PDE4D: variants seen among roughly 807,000 people sequenced by gnomAD.
The protein encoded by PDE4D is phosphodiesterase 4D.
In PDE4D, 24 loss-of-function variants were observed where a neutral mutation model predicts 87.4. The observed-to-expected ratio is 0.27, with a 90% CI of 0.20 to 0.39. PDE4D has a LOEUF of 0.39. Among genes scored for constraint, PDE4D ranks in the 10% least tolerant of loss-of-function variants. The pLI, the probability that PDE4D is intolerant of heterozygous loss-of-function variation, is 1.00. For missense variants in PDE4D, 714 were observed against 1,041.0 expected, an observed-to-expected ratio of 0.69 and a Z score of 4.32; for synonymous variants, 384 against 383.2, an observed-to-expected ratio of 1.00 and a Z score of -0.02.
intron 1 of PDE4D, among the ~76,000 whole-genome samples, chr5:59,556,080 C>T (rs950667082): frequency 2.6e-5 from 4 of 152,016 alleles, no homozygotes; most frequent in South Asian, 2.1e-4. Context: ...ATGGACCTTG[C>T]TCTTGGTTAA....
chr5:60,045,499 T>C (rs1327283605), intron 2 of PDE4D, among the ~76,000 whole-genome samples: 1 of 152,220 alleles, frequency 6.6e-6, no homozygotes, highest in Non-Finnish European at 1.5e-5. Context: ...GTTTTAGGTC[T>C]AACATTTAAG....
At chr5:59,093,620 A>C (rs1024064834) in intron 5 of PDE4D, among the ~76,000 whole-genome samples, 2 of 151,710 alleles carry the variant, frequency 1.3e-5, no homozygotes, top group African/African-American at 4.8e-5. Context: ...CAACAGTGCA[A>C]CCCTACAGTT....
chr5:60,065,440 C>CATT, intron 2 of PDE4D, among the ~76,000 whole-genome samples: 1 of 151,674 alleles, frequency 6.6e-6, no homozygotes, highest in Admixed American at 6.6e-5. Flanking sequence ...AATTTATTAT[C>CATT]ATTATTATTA....
chr5:59,199,257 C>CTTTTT (rs34049029), intron 2 of PDE4D, among the ~76,000 whole-genome samples: 1 of 141,870 alleles, frequency 7.0e-6, no homozygotes. Context: ...GAATCTAATC[C>CTTTTT]TTTTTTTTTT....
At chr5:60,286,548 A>G (rs984305116) in intron 1 of PDE4D, among the ~76,000 whole-genome samples, 12 of 152,318 alleles carry the variant, frequency 7.9e-5, no homozygotes, top group Middle Eastern at 3.4e-3. Context: ...GGCCGCTAAG[A>G]GATTCATCAC....
At chr5:59,266,352 C>G (rs1176571714) in intron 1 of PDE4D, among the ~76,000 whole-genome samples, 2 of 151,828 alleles carry the variant, frequency 1.3e-5, no homozygotes, top group Non-Finnish European at 1.5e-5. Flanking sequence ...TTTCTTGACC[C>G]TACTTGACTG....
intron 1 of PDE4D, among the ~76,000 whole-genome samples, chr5:60,322,150 A>G (rs2149842295): frequency 6.6e-6 from 1 of 152,300 alleles, no homozygotes; most frequent in South Asian, 2.1e-4. Context: ...ACATGGACTC[A>G]ACCTAAATGT....
intron 1 of PDE4D, among the ~76,000 whole-genome samples, chr5:59,670,578 A>G (rs775928392): frequency 6.6e-6 from 1 of 152,170 alleles, no homozygotes; most frequent in Non-Finnish European, 1.5e-5. Flanking sequence ...TATCCCCAAG[A>G]TATCTCACTA....
rs1009400043 is a variant in PDE4D at position 60,111,133 on chromosome 5, T to C, written c.42+74424A>G. On this transcript the variant is annotated intron_variant, in intron 2 of 16. Transcript: ENST00000502484. ...ATGGTTAGCTATAATCCATTGTGTA[T>C]TTTCAAAAACTAGAGGAGAGGATTT... 2.6e-5 allele frequency among the ~76,000 whole-genome samples: 4 copies of C among 151,968 alleles called. No homozygotes were observed. The East Asian group carries it at 7.7e-4, about 29-fold the overall frequency.
chr5:58,973,886 A>T lies in PDE4D; in HGVS notation c.*778T>A, dbSNP rs1347917732. The T allele has an allele frequency of 2.0e-5, 3 of 152,652 alleles. No individual in the cohort carries two copies. Among genetic ancestry groups the T allele is most frequent in the African/African-American group, 7.2e-5 (3 of 41,464 alleles). 9.5% of individuals were successfully genotyped at this position (152,652 alleles called of 1,614,324 possible). A position where few individuals can be genotyped will look rare whatever the true frequency, so the allele number is the denominator to read the frequency against. ...ATAAAACAAACAATGAATCACTACAAATCAGTTAATTGCTATGAACTATAA... is the reference window on the plus strand; with the variant it reads ...ATAAAACAAACAATGAATCACTACATATCAGTTAATTGCTATGAACTATAA... On this transcript the variant is annotated 3_prime_UTR_variant, in exon 15 of 15. Transcript: ENST00000340635.
rs1054343569 is a variant in PDE4D, at chr5:60,503,084, G to A, written n.70+18967C>T. Among the ~76,000 whole-genome samples, 8 of 152,130 alleles carry A rather than the reference G, an allele frequency of 5.3e-5. No homozygotes were observed. The South Asian group carries it at 1.2e-3, about 24-fold the overall frequency. On this transcript the variant is annotated intron_variant and non_coding_transcript_variant, in intron 1 of 2. Coordinates refer to the PDE4D transcript ENST00000506510. Reference sequence around the variant, plus strand: ...TACTGAAGTTGAGTATCACTCAAACGTCCATATCTTTTTGATGATGTGGAT... The same window carrying A: ...TACTGAAGTTGAGTATCACTCAAACATCCATATCTTTTTGATGATGTGGAT...
chr5:60,139,199 C>T (rs762680126), intron 2 of PDE4D, among the ~76,000 whole-genome samples: 25 of 152,130 alleles, frequency 1.6e-4, no homozygotes, highest in Middle Eastern at 6.8e-3. Flanking sequence ...CACCGCTAAG[C>T]CAAAGCGGTT....
At chr5:59,791,963 G>A (rs1208745375) in intron 1 of PDE4D, among the ~76,000 whole-genome samples, 2 of 152,164 alleles carry the variant, frequency 1.3e-5, no homozygotes, top group Non-Finnish European at 2.9e-5. Flanking sequence ...CAAAAATAAT[G>A]CACTGCAACT....
chr5:59,596,905 T>C (rs576006374), intron 1 of PDE4D, among the ~76,000 whole-genome samples: 3 of 152,134 alleles, frequency 2.0e-5, no homozygotes, highest in Non-Finnish European at 4.4e-5. Flanking sequence ...AAGTTACCAT[T>C]TTGGGTTCAG....
intron 1 of PDE4D, among the ~76,000 whole-genome samples, chr5:59,699,627 C>A (rs1024180926): frequency 6.6e-6 from 1 of 151,960 alleles, no homozygotes; most frequent in Non-Finnish European, 1.5e-5. Flanking sequence ...ATGGTGACTG[C>A]AGTGACCTAA....
At position 58,973,655 on chromosome 5, in the gene PDE4D, G is replaced by T. The variant is rs1051123488; in HGVS notation, c.*1009C>A. ...GAACTGATGACTGAGTTTGCATGAA[G>T]CTTAAGACACATTTGATATAACACA... On this transcript the variant is annotated 3_prime_UTR_variant, in exon 15 of 15. Coordinates refer to ENST00000340635, the MANE Select transcript of PDE4D (RefSeq NM_001104631.2). 6.6e-6 allele frequency: 1 copy of T among 152,568 alleles called. No homozygotes were observed. Among genetic ancestry groups the T allele is most frequent in the Non-Finnish European group, 1.5e-5 (1 of 68,020 alleles). 9.5% of individuals were successfully genotyped at this position (152,568 alleles called of 1,614,324 possible).
intron 1 of PDE4D, among the ~76,000 whole-genome samples, chr5:59,885,110 GCTA>G (rs1048413169): frequency 3.3e-5 from 5 of 151,864 alleles, no homozygotes; most frequent in African/African-American, 1.2e-4. Context: ...GATTTGGACT[GCTA>G]CCTTTACTAA....
At chr5:59,984,945 T>C (rs2152827992) in intron 3 of PDE4D, among the ~76,000 whole-genome samples, 1 of 152,034 alleles carries the variant, frequency 6.6e-6, no homozygotes, top group South Asian at 2.1e-4. Flanking sequence ...ATGGTCTCAG[T>C]ATAGGTTGGC....
At chr5:59,545,281 C>A (rs1817075617) in intron 1 of PDE4D, among the ~76,000 whole-genome samples, 1 of 152,072 alleles carries the variant, frequency 6.6e-6, no homozygotes, top group Non-Finnish European at 1.5e-5. Flanking sequence ...TAGATGCAGG[C>A]CATGCAGCCA....
Sources: allele counts gnomAD v4.1 joint callset (sites outside exome capture counted in the v4.1 genomes callset), GRCh38; gene constraint gnomAD v4.1.1; transcripts MANE v1.5; gene names NCBI Gene and HGNC (gene_info 2026-07-23, HGNC 2026-07-21).